Variants in ASPRV1 observed in about 807,000 individuals in gnomAD.
The protein encoded by ASPRV1 is aspartic peptidase retroviral like 1.
A neutral mutation model predicts 11.0 loss-of-function variants in ASPRV1; 7 were observed. The observed-to-expected ratio is 0.64, with a 90% CI of 0.36 to 1.20. The LOEUF (loss-of-function observed/expected upper bound fraction) is 1.20. Ranked by LOEUF, ASPRV1 falls within the 50% of genes most tolerant of loss-of-function variation. ASPRV1 has a pLI of 0.02. For synonymous variants in ASPRV1, 136 were observed against 138.4 expected (o/e 0.98, Z 0.12); for missense variants, 299 against 320.0 (o/e 0.93, Z 0.50).
chr2:69,963,466 T>G, upstream of ASPRV1: 1 of 456,414 alleles, frequency 2.2e-6, no homozygotes, highest in South Asian at 1.5e-5. Flanking sequence ...GTTTCCTGAT[T>G]CCCTGGTATT....
chr2:69,993,132 A>T, the ASPRV1 span, among the ~76,000 whole-genome samples: 2 of 152,216 alleles, frequency 1.3e-5, no homozygotes, highest in Non-Finnish European at 2.9e-5. Flanking sequence ...AAAGAAACAG[A>T]GACCCGGCCC....
chr2:70,086,468 G>T, the ASPRV1 span: 4 of 152,298 alleles, frequency 2.6e-5, no homozygotes, highest in Non-Finnish European at 5.9e-5. Context: ...TCCTCAGCGG[G>T]AAGAACCGGC....
chr2:70,064,309 C>T, the ASPRV1 span, among the ~76,000 whole-genome samples: 1 of 152,194 alleles, frequency 6.6e-6, no homozygotes, highest in African/African-American at 2.4e-5. Flanking sequence ...ATCCCCCTCC[C>T]TAGTGCCCCA....
At chr2:69,987,191 C>A in the ASPRV1 span, among the ~76,000 whole-genome samples, 1 of 152,138 alleles carries the variant, frequency 6.6e-6, no homozygotes. Context: ...TGAAACACAG[C>A]AAACCACTAG....
chr2:70,062,630 T>C, the ASPRV1 span, among the ~76,000 whole-genome samples: 538 of 152,244 alleles, frequency 3.5e-3, 3 homozygotes, highest in African/African-American at 0.012. Context: ...TTAAGTAATC[T>C]AGACAGAGCA....
At chr2:70,035,295 T>A in the ASPRV1 span, among the ~76,000 whole-genome samples, 1 of 152,132 alleles carries the variant, frequency 6.6e-6, no homozygotes, top group South Asian at 2.1e-4. Flanking sequence ...GATACCAGCT[T>A]ACCAGTTCTG....
chr2:69,977,233 C>T, the ASPRV1 span, among the ~76,000 whole-genome samples: 4 of 152,038 alleles, frequency 2.6e-5, no homozygotes, highest in African/African-American at 9.7e-5. Context: ...TTCAATTTTA[C>T]TGAACTTTTT....
At chr2:69,956,627 G>A (rs1431631897), downstream of ASPRV1, among the ~76,000 whole-genome samples, 1 of 152,054 alleles carries the variant, frequency 6.6e-6, no homozygotes. Context: ...GATCACCAAT[G>A]GGTGCTGAGG....
At chr2:70,074,265 G>A in the ASPRV1 span, among the ~76,000 whole-genome samples, 1 of 149,154 alleles carries the variant, frequency 6.7e-6, no homozygotes, top group African/African-American at 2.5e-5. Flanking sequence ...AGAGTTCAAA[G>A]AGACTTCAGA....
chr2:69,943,377 A>C, the ASPRV1 span, among the ~76,000 whole-genome samples: 6 of 152,308 alleles, frequency 3.9e-5, no homozygotes, highest in African/African-American at 1.4e-4. Flanking sequence ...CTCCATGAGA[A>C]GTTAGAGGTG....
At chr2:70,049,812 G>T in the ASPRV1 span, 1 of 152,192 alleles carries the variant, frequency 6.6e-6, no homozygotes, top group Admixed American at 6.5e-5. Context: ...GTAATGAAAT[G>T]ACTTTTGGCT....
chr2:70,053,113 C>G, the ASPRV1 span, among the ~76,000 whole-genome samples: 2 of 152,164 alleles, frequency 1.3e-5, no homozygotes, highest in African/African-American at 2.4e-5. Flanking sequence ...CGCAGAGATT[C>G]ACAGATTTCC....
the ASPRV1 span, among the ~76,000 whole-genome samples, chr2:70,025,297 C>T: frequency 2.9e-4 from 44 of 152,082 alleles, no homozygotes; most frequent in Non-Finnish European, 1.5e-5. Context: ...GAGGCTCATG[C>T]TTGTAGTTCC....
the ASPRV1 span, chr2:70,049,422 T>A: frequency 6.6e-6 from 1 of 152,078 alleles, no homozygotes; most frequent in Non-Finnish European, 1.5e-5. Flanking sequence ...TGTTCTCTTA[T>A]GTAAAAATCA....
Position 69,960,427 on chromosome 2 carries a change from G to T in ASPRV1, c.*230C>A. ...TCAACAGCAGCTTGATGACCATGGG[G>T]ACCCTGTCCCTCTAAGCCAGCCTGC... On this transcript the variant is annotated 3_prime_UTR_variant, in exon 1 of 1. Coordinates refer to ENST00000320256, the MANE Select transcript of ASPRV1 (RefSeq NM_152792.4). 1.9e-6 allele frequency: 1 copy of T among 528,542 alleles called. No individual in the cohort carries two copies. Among genetic ancestry groups the T allele is most frequent in the Non-Finnish European group, 3.4e-6 (1 of 296,620 alleles). The allele number at this position is 528,542 out of a possible 1,614,324, so 32.7% of individuals were successfully genotyped here.
At chr2:69,980,489 T>C in the ASPRV1 span, among the ~76,000 whole-genome samples, 165 of 152,360 alleles carry the variant, frequency 1.1e-3, 1 homozygote, top group African/African-American at 3.6e-3. Flanking sequence ...TGTGTATGTA[T>C]GTGTATATTT....
chr2:69,948,812 G>A, the ASPRV1 span, among the ~76,000 whole-genome samples: 1 of 151,906 alleles, frequency 6.6e-6, no homozygotes, highest in Non-Finnish European at 1.5e-5. Flanking sequence ...CTGCCCTCCC[G>A]CGAATGCCGT....
chr2:70,067,494 T>A, the ASPRV1 span, among the ~76,000 whole-genome samples: 1 of 152,156 alleles, frequency 6.6e-6, no homozygotes, highest in African/African-American at 2.4e-5. Flanking sequence ...AATGTCTTCA[T>A]AGAAAAATAG....
chr2:69,940,793 A>T, the ASPRV1 span: 1 of 152,624 alleles, frequency 6.6e-6, no homozygotes, highest in Non-Finnish European at 1.5e-5. Context: ...AGCATGCTAG[A>T]CAGGCTTCTC....
Sources: gnomAD v4.1 joint callset for allele counts (sites outside exome capture counted in the v4.1 genomes callset) on GRCh38, gnomAD v4.1.1 for gene constraint, MANE v1.5 for transcripts, NCBI Gene and HGNC (gene_info 2026-07-23, HGNC 2026-07-21) for gene names.